CADM2: variants seen among roughly 807,000 people sequenced by gnomAD.
CADM2 encodes immunoglobulin superfamily member 4D.
CADM2 carries 12 observed loss-of-function variants against 49.8 expected under a neutral mutation model. The observed-to-expected ratio is 0.24, with a 90% CI of 0.15 to 0.39. The LOEUF is 0.39. CADM2 is among the 10% of genes least tolerant of loss of function. CADM2 has a pLI of 1.00. For missense variants in CADM2, 378 were observed against 492.3 expected (o/e 0.77, Z 2.20); for synonymous variants, 214 against 175.4 (o/e 1.22, Z -1.74).
intron 1 of CADM2, among the ~76,000 whole-genome samples, chr3:85,233,839 G>A (rs2042354116): frequency 6.6e-6 from 1 of 151,916 alleles, no homozygotes; most frequent in Non-Finnish European, 1.5e-5. Context: ...GTAGTCTTTA[G>A]ATTAAAAAAA....
intron 1 of CADM2, among the ~76,000 whole-genome samples, chr3:85,711,581 A>C (rs765375748): frequency 2.6e-5 from 4 of 152,130 alleles, no homozygotes; most frequent in Non-Finnish European, 4.4e-5. Flanking sequence ...TTGTAGGTTT[A>C]TTATCTTTTC....
intron 1 of CADM2, among the ~76,000 whole-genome samples, chr3:85,566,691 G>T (rs1018057668): frequency 2.6e-5 from 4 of 152,142 alleles, no homozygotes; most frequent in Non-Finnish European, 5.9e-5. Flanking sequence ...ATCCGAGTGT[G>T]TTGAATTTGT....
At chr3:85,594,488 T>C (rs1450789349) in intron 1 of CADM2, among the ~76,000 whole-genome samples, 2 of 151,892 alleles carry the variant, frequency 1.3e-5, no homozygotes. Flanking sequence ...CTAAAGTAAC[T>C]GGCAGAGATG....
intron 1 of CADM2, among the ~76,000 whole-genome samples, chr3:85,613,022 C>A (rs1413863086): frequency 6.6e-6 from 1 of 151,642 alleles, no homozygotes; most frequent in African/African-American, 2.4e-5. Context: ...TGACAGATTT[C>A]ACAGGTTGGT....
At chr3:85,660,491 T>C (rs2065368487) in intron 1 of CADM2, among the ~76,000 whole-genome samples, 1 of 151,760 alleles carries the variant, frequency 6.6e-6, no homozygotes, top group African/African-American at 2.4e-5. Flanking sequence ...ACAAAAGAAA[T>C]GCTTTAAAAG....
At chr3:85,784,871 C>T (rs2070886246) in intron 2 of CADM2, among the ~76,000 whole-genome samples, 1 of 152,166 alleles carries the variant, frequency 6.6e-6, no homozygotes. Flanking sequence ...GGCATTAGTT[C>T]TTTAAATATT....
At chr3:85,001,963 C>T (rs2033487387) in intron 1 of CADM2, among the ~76,000 whole-genome samples, 1 of 152,048 alleles carries the variant, frequency 6.6e-6, no homozygotes, top group Non-Finnish European at 1.5e-5. Context: ...AAATATTTTG[C>T]TGGTACTCTA....
chr3:85,575,981 G>C (rs2062622822), intron 1 of CADM2, among the ~76,000 whole-genome samples: 1 of 152,036 alleles, frequency 6.6e-6, no homozygotes, highest in Non-Finnish European at 1.5e-5. Context: ...TCATAACAGA[G>C]GTAATAATAG....
intron 8 of CADM2, among the ~76,000 whole-genome samples, chr3:85,971,542 C>T (rs940099637): frequency 6.6e-6 from 1 of 151,568 alleles, no homozygotes; most frequent in Non-Finnish European, 1.5e-5. Flanking sequence ...AGCTGATTTA[C>T]GTTTTTCTTT....
At chr3:85,634,896 T>A (rs375101648) in intron 1 of CADM2, among the ~76,000 whole-genome samples, 76 of 148,106 alleles carry the variant, frequency 5.1e-4, no homozygotes, top group African/African-American at 1.3e-3. Flanking sequence ...TAATTTTTTT[T>A]AAATGTGTAT....
At chr3:85,022,888 C>T (rs568990768) in intron 1 of CADM2, among the ~76,000 whole-genome samples, 2 of 152,096 alleles carry the variant, frequency 1.3e-5, no homozygotes, top group East Asian at 1.9e-4. Context: ...TTATATTAGA[C>T]CTTTTTCTTA....
chr3:85,176,480 C>A (rs1001619895), intron 1 of CADM2, among the ~76,000 whole-genome samples: 1 of 152,108 alleles, frequency 6.6e-6, no homozygotes, highest in African/African-American at 2.4e-5. Context: ...AGAAACCTCA[C>A]TTTTTTTCTA....
At chr3:85,944,531 T>G (rs1175518957) in intron 7 of CADM2, among the ~76,000 whole-genome samples, 2 of 152,042 alleles carry the variant, frequency 1.3e-5, no homozygotes, top group Admixed American at 6.6e-5. Flanking sequence ...AGTAAAGCAC[T>G]CCTCAGCAAA....
At chr3:84,985,398 C>T (rs1334092629) in intron 1 of CADM2, among the ~76,000 whole-genome samples, 1 of 151,852 alleles carries the variant, frequency 6.6e-6, no homozygotes, top group Non-Finnish European at 1.5e-5. Context: ...ACAAATATAA[C>T]TTTTAGTTAT....
chr3:85,506,293 C>G (rs1041246339), intron 1 of CADM2, among the ~76,000 whole-genome samples: 5 of 152,114 alleles, frequency 3.3e-5, no homozygotes, highest in African/African-American at 9.7e-5. Flanking sequence ...GCTTGTAACT[C>G]TCAAAGTCAG....
At chr3:85,634,888 A>T (rs2064415126) in intron 1 of CADM2, among the ~76,000 whole-genome samples, 1 of 151,744 alleles carries the variant, frequency 6.6e-6, no homozygotes, top group African/African-American at 2.4e-5. Flanking sequence ...CAGAAAATTA[A>T]TTTTTTTTAA....
chr3:85,371,784 C>CAT (rs908038832), intron 1 of CADM2, among the ~76,000 whole-genome samples: 1 of 145,232 alleles, frequency 6.9e-6, no homozygotes, highest in Non-Finnish European at 1.5e-5. Flanking sequence ...GCCAAATCTG[C>CAT]ATATATGGAA....
At chr3:85,565,864 TC>T (rs1405719798) in intron 1 of CADM2, among the ~76,000 whole-genome samples, 1 of 142,062 alleles carries the variant, frequency 7.0e-6, no homozygotes, top group Non-Finnish European at 1.6e-5. Context: ...AACCCTTCCA[TC>T]GTTTTCTTTT....
chr3:85,131,044 T>A (rs1434960003), intron 1 of CADM2, among the ~76,000 whole-genome samples: 1 of 152,054 alleles, frequency 6.6e-6, no homozygotes, highest in Non-Finnish European at 1.5e-5. Flanking sequence ...TAGCCGGGCG[T>A]GGCATGCGCC....
Sources: allele counts gnomAD v4.1 joint callset (sites outside exome capture counted in the v4.1 genomes callset), GRCh38; gene constraint gnomAD v4.1.1; transcripts MANE v1.5; gene names NCBI Gene and HGNC (gene_info 2026-07-23, HGNC 2026-07-21).